The following ATP7B variants were observed in gnomAD, a reference collection of about 807,000 sequenced individuals.
ATP7B encodes ATPase copper transporting beta, also known as copper-transporting ATPase 2.
ATP7B carries 113 observed loss-of-function variants against 118.9 expected under a neutral mutation model. The observed-to-expected ratio is 0.95, with a 90% CI of 0.82 to 1.11. The LOEUF is 1.11. ATP7B is among the 50% of genes most tolerant of loss of function. The pLI is 0.00. For missense variants in ATP7B, 1,867 were observed against 1,871.4 expected (o/e 1.00, Z 0.04); for synonymous variants, 777 against 727.4 (o/e 1.07, Z -1.10).
chr13:51,949,937 T>C, intron 11 of ATP7B, 70 bp downstream of exon 11: 2 of 1,612,878 alleles, frequency 1.2e-6, no homozygotes, highest in Non-Finnish European at 1.7e-6. Flanking sequence ...AACTGTCTGA[T>C]TTCCCAGAAC....
chr13:51,935,847 G>A, intron 19 of ATP7B, 152 bp from the exon 20 acceptor site: 1 of 665,236 alleles, frequency 1.5e-6, no homozygotes, highest in Non-Finnish European at 2.6e-6. Context: ...TTGCCCACAG[G>A]CCCCCCCCAA....
intron 5 of ATP7B, among the ~76,000 whole-genome samples, chr13:51,964,200 G>A (rs555349601): frequency 2.0e-5 from 3 of 152,000 alleles, no homozygotes; most frequent in African/African-American, 2.4e-5. Flanking sequence ...TTTCATAAGC[G>A]ATTTTATAAC....
In ATP7B at chr13:51,949,668, G is replaced by A. The variant is rs762782389; in HGVS notation, c.2859C>T (p.Tyr953=). Residue 953 remains tyrosine (Y), a synonymous_variant, in exon 12 of 21, where the codon TAC becomes TAT. Transcript: ENST00000242839. ...GFIDFGVVQR[Y]FPNPNKHISQ... Reference sequence around the variant, plus strand: ...CCCAAGGCATTCAACTTACAGGAAAGTATCTCTGAACAACACCAAAATCGA... The same window carrying A: ...CCCAAGGCATTCAACTTACAGGAAAATATCTCTGAACAACACCAAAATCGA... 2.9e-5 allele frequency: 46 copies of A among 1,613,722 alleles called. No homozygotes were observed. In the Admixed American group the frequency reaches 5.3e-4, roughly 19 times the overall value.
intron 19 of ATP7B, among the ~76,000 whole-genome samples, chr13:51,935,899 T>C (rs927466122): frequency 2.0e-5 from 3 of 152,108 alleles, no homozygotes; most frequent in Admixed American, 6.5e-5. Context: ...TGCTGTTGAG[T>C]GGGCCTGGCT....
chr13:51,992,781 C>T (rs1952978542), intron 1 of ATP7B, among the ~76,000 whole-genome samples: 1 of 151,684 alleles, frequency 6.6e-6, no homozygotes, highest in South Asian at 2.1e-4. Context: ...AGTTTGAGAC[C>T]AGCCTGGGCA....
chr13:51,992,855 G>A (rs1952982553), intron 1 of ATP7B, among the ~76,000 whole-genome samples: 1 of 151,614 alleles, frequency 6.6e-6, no homozygotes, highest in African/African-American at 2.4e-5. Flanking sequence ...TCAGGTGCCT[G>A]TAGTCCCAGC....
At chr13:51,996,190 A>G (rs1450644994) in intron 1 of ATP7B, among the ~76,000 whole-genome samples, 2 of 152,170 alleles carry the variant, frequency 1.3e-5, no homozygotes, top group African/African-American at 4.8e-5. Context: ...CTTGGACCAA[A>G]GGCTTGACTT....
chr13:51,992,488 T>C (rs970901538), intron 1 of ATP7B, among the ~76,000 whole-genome samples: 1 of 152,224 alleles, frequency 6.6e-6, no homozygotes, highest in African/African-American at 2.4e-5. Flanking sequence ...GTAAGGTTCC[T>C]ACCATATACC....
At chr13:51,956,325 T>C (rs1346277126) in intron 9 of ATP7B, among the ~76,000 whole-genome samples, 1 of 152,178 alleles carries the variant, frequency 6.6e-6, no homozygotes, top group Non-Finnish European at 1.5e-5. Flanking sequence ...TGTCTCAGCC[T>C]TCACGCCCAG....
rs200563529 is a variant in ATP7B, at chr13:51,974,550, T to A, written c.670A>T (p.Ile224Phe). Residue 224 changes from isoleucine (I) to phenylalanine (F), a missense_variant, in exon 2 of 21, where the codon ATT becomes TTT. Coordinates refer to ENST00000242839, the MANE Select transcript of ATP7B (RefSeq NM_000053.4). ...VAPLSLGPID[I>F]ERLQSTNPKR... ...GGGTTAGTGCTTTGTAACCGCTCAA[T>A]ATCAATTGGTCCCAGGCTTAAGGGA... The A allele has an allele frequency of 1.7e-4, 272 of 1,614,058 alleles. No homozygotes were observed. The highest frequency in any genetic ancestry group is 3.3e-5 in the Admixed American group (2 of 60,008).
chr13:52,003,995 A>T (rs1953653956), intron 1 of ATP7B, among the ~76,000 whole-genome samples: 1 of 152,206 alleles, frequency 6.6e-6, no homozygotes, highest in African/African-American at 2.4e-5. Context: ...GCGGTGGCTC[A>T]CACCTGTAAT....
chr13:51,938,309 C>T (rs1957098175), intron 17 of ATP7B, among the ~76,000 whole-genome samples: 1 of 152,330 alleles, frequency 6.6e-6, no homozygotes, highest in South Asian at 2.1e-4. Flanking sequence ...ACCATGAGCC[C>T]GTCAAGGGCA....
intron 14 of ATP7B, 73 bp downstream of exon 14, chr13:51,944,036 T>C: frequency 6.3e-7 from 1 of 1,591,158 alleles, no homozygotes; most frequent in Non-Finnish European, 8.6e-7. Flanking sequence ...CGAGGGCAGC[T>C]AGGAGAGAAG....
At chr13:51,986,623 T>C (rs1952662467) in intron 1 of ATP7B, among the ~76,000 whole-genome samples, 1 of 152,134 alleles carries the variant, frequency 6.6e-6, no homozygotes, top group Non-Finnish European at 1.5e-5. Context: ...AAAAGAAAAT[T>C]TCAGGCCAAT....
intron 1 of ATP7B, among the ~76,000 whole-genome samples, chr13:51,984,025 C>T (rs1274234674): frequency 6.6e-6 from 1 of 151,926 alleles, no homozygotes; most frequent in Non-Finnish European, 1.5e-5. Context: ...ATCACAACTC[C>T]CTCGCCAGCA....
intron 19 of ATP7B, among the ~76,000 whole-genome samples, chr13:51,936,881 G>A (rs1422022182): frequency 1.3e-5 from 2 of 152,196 alleles, no homozygotes; most frequent in African/African-American, 2.4e-5. Context: ...AACTTGGGCA[G>A]GATTAATGTT....
chr13:51,995,332 C>T, intron 1 of ATP7B: 1 of 985,372 alleles, frequency 1.0e-6, no homozygotes, highest in Non-Finnish European at 1.2e-6. Context: ...AACTCATTTC[C>T]CAGGTTCCAT....
intron 2 of ATP7B, among the ~76,000 whole-genome samples, chr13:51,971,568 T>C (rs1310222591): frequency 6.6e-6 from 1 of 152,250 alleles, no homozygotes; most frequent in East Asian, 1.9e-4. Flanking sequence ...ACTTTAAACA[T>C]CACACAAAAA....
intron 14 of ATP7B, among the ~76,000 whole-genome samples, chr13:51,942,882 T>A (rs968092585): frequency 6.6e-6 from 1 of 152,266 alleles, no homozygotes; most frequent in South Asian, 2.1e-4. Context: ...GCAACTCATA[T>A]CAAACACCTC....
Sources: allele counts gnomAD v4.1 joint callset (sites outside exome capture counted in the v4.1 genomes callset), GRCh38; gene constraint gnomAD v4.1.1; transcripts MANE v1.5; gene names NCBI Gene and HGNC (gene_info 2026-07-23, HGNC 2026-07-21).